The following NAALADL2 variants were observed in gnomAD, a reference collection of about 807,000 sequenced individuals.
The protein encoded by NAALADL2 is N-acetylated alpha-linked acidic dipeptidase like 2, also known as inactive N-acetylated-alpha-linked acidic dipeptidase-like protein 2.
NAALADL2 carries 76 observed loss-of-function variants against 87.2 expected under a neutral mutation model. That is an observed-to-expected ratio of 0.87 (90% confidence interval 0.72 to 1.05). The LOEUF (loss-of-function observed/expected upper bound fraction) is 1.05, where lower values mean the gene tolerates loss of function less well. Among genes scored for constraint, NAALADL2 ranks in the 50% least tolerant of loss-of-function variants. The probability of loss-of-function intolerance (pLI) is 0.00; values close to 1 mark genes in which losing one functional copy is unlikely to be tolerated. For missense variants in NAALADL2, 1,089 were observed against 945.8 expected (o/e 1.15, Z -1.99); for synonymous variants, 354 against 331.0 (o/e 1.07, Z -0.75).
At chr3:174,733,997 A>T (rs1732952525) in intron 2 of NAALADL2, among the ~76,000 whole-genome samples, 1 of 152,186 alleles carries the variant, frequency 6.6e-6, no homozygotes, top group South Asian at 2.1e-4. Context: ...TTCAAGCTTT[A>T]AGACCAGAAG....
intron 1 of NAALADL2, among the ~76,000 whole-genome samples, chr3:174,466,863 T>A (rs1225666930): frequency 1.3e-5 from 2 of 152,226 alleles, no homozygotes; most frequent in Non-Finnish European, 2.9e-5. Context: ...GTTCTTTATA[T>A]AAATGTTACT....
chr3:174,733,272 G>GA (rs141422617), intron 2 of NAALADL2, among the ~76,000 whole-genome samples: 5 of 152,150 alleles, frequency 3.3e-5, no homozygotes, highest in African/African-American at 9.6e-5. Flanking sequence ...GCAACCTGAG[G>GA]AAAAAAATCA....
intron 1 of NAALADL2, among the ~76,000 whole-genome samples, chr3:174,874,505 G>C (rs1728230712): frequency 6.6e-6 from 1 of 152,100 alleles, no homozygotes; most frequent in Non-Finnish European, 1.5e-5. Context: ...TGTGTGATGT[G>C]ACTGCAGGCA....
At chr3:174,894,185 A>G (rs1731214055) in intron 1 of NAALADL2, among the ~76,000 whole-genome samples, 1 of 152,140 alleles carries the variant, frequency 6.6e-6, no homozygotes, top group South Asian at 2.1e-4. Context: ...CCAATATGGG[A>G]GCACCCAGAT....
At position 174,850,766 on chromosome 3, in the gene NAALADL2, A is replaced by G. The variant is rs1231409279; in HGVS notation, c.-9+113020A>G. Among the ~76,000 whole-genome samples, 4 of 152,150 alleles carry G rather than the reference A, an allele frequency of 2.6e-5. No homozygotes were observed. The East Asian group carries it at 7.7e-4, about 29-fold the overall frequency. On this transcript the variant is annotated intron_variant, in intron 3 of 3. Transcript: ENST00000434257. ...CTAATTTATAGATCAAGTGAATCTAATAGACATTTACAGAATATTTTATCC... is the reference window on the plus strand; with the variant it reads ...CTAATTTATAGATCAAGTGAATCTAGTAGACATTTACAGAATATTTTATCC...
intron 1 of NAALADL2, among the ~76,000 whole-genome samples, chr3:175,035,806 C>A (rs979995927): frequency 6.6e-6 from 1 of 152,092 alleles, no homozygotes; most frequent in Admixed American, 6.6e-5. Context: ...ATATCAGACT[C>A]ATTTGGGAAG....
chr3:175,579,754 G>C (rs1719476206), intron 10 of NAALADL2, among the ~76,000 whole-genome samples: 1 of 152,180 alleles, frequency 6.6e-6, no homozygotes, highest in Non-Finnish European at 1.5e-5. Flanking sequence ...CTGATTAAGA[G>C]TGCAATATTT....
At chr3:174,695,609 G>C (rs1728949826) in intron 2 of NAALADL2, among the ~76,000 whole-genome samples, 1 of 151,986 alleles carries the variant, frequency 6.6e-6, no homozygotes, top group Admixed American at 6.6e-5. Context: ...TTATATTAAA[G>C]AGTATATTAT....
intron 1 of NAALADL2, among the ~76,000 whole-genome samples, chr3:175,084,479 G>T (rs1718476188): frequency 6.6e-6 from 1 of 152,068 alleles, no homozygotes; most frequent in Non-Finnish European, 1.5e-5. Context: ...TAATTTCTTG[G>T]TACTCAGGGC....
intron 1 of NAALADL2, among the ~76,000 whole-genome samples, chr3:174,468,019 A>G (rs1238484042): frequency 1.3e-5 from 2 of 152,210 alleles, no homozygotes; most frequent in East Asian, 3.9e-4. Context: ...AAAATACATT[A>G]TTGCTTAGTC....
chr3:174,818,046 G>A (rs1720992310), intron 3 of NAALADL2, among the ~76,000 whole-genome samples: 1 of 152,012 alleles, frequency 6.6e-6, no homozygotes, highest in Admixed American at 6.6e-5. Context: ...AACCCATTTT[G>A]GATTAGTCAT....
chr3:174,911,756 A>G (rs1358994283), intron 1 of NAALADL2, among the ~76,000 whole-genome samples: 1 of 152,060 alleles, frequency 6.6e-6, no homozygotes, highest in Non-Finnish European at 1.5e-5. Flanking sequence ...CCTTTTTTAA[A>G]CTGGTAATAT....
At chr3:175,747,409 A>T (rs1224091672) in intron 12 of NAALADL2, among the ~76,000 whole-genome samples, 1 of 152,148 alleles carries the variant, frequency 6.6e-6, no homozygotes, top group Non-Finnish European at 1.5e-5. Context: ...CTCTTCCATC[A>T]TAGTAATGGC....
chr3:174,873,938 G>A (rs549883138), intron 1 of NAALADL2, among the ~76,000 whole-genome samples: 4 of 152,080 alleles, frequency 2.6e-5, no homozygotes, highest in East Asian at 3.9e-4. Context: ...TCAAGAATAA[G>A]AAACCAGTTG....
intron 2 of NAALADL2, among the ~76,000 whole-genome samples, chr3:175,159,777 T>TTCCC (rs1339448938): frequency 6.6e-6 from 1 of 151,922 alleles, no homozygotes; most frequent in Non-Finnish European, 1.5e-5. Context: ...ATTTCCTTCC[T>TTCCC]TCCCTCCCTC....
chr3:175,761,721 T>A (rs1380714219), intron 13 of NAALADL2, among the ~76,000 whole-genome samples: 1 of 152,204 alleles, frequency 6.6e-6, no homozygotes, highest in Non-Finnish European at 1.5e-5. Flanking sequence ...ATTTCATTGT[T>A]GTTTGAATCC....
chr3:175,489,168 A>C (rs572885721), intron 9 of NAALADL2, among the ~76,000 whole-genome samples: 3 of 152,248 alleles, frequency 2.0e-5, no homozygotes, highest in Non-Finnish European at 2.9e-5. Context: ...ACAAATATTT[A>C]GAAAAATATA....
intron 2 of NAALADL2, among the ~76,000 whole-genome samples, chr3:174,729,715 T>C (rs980410344): frequency 6.6e-6 from 1 of 152,036 alleles, no homozygotes; most frequent in African/African-American, 2.4e-5. Context: ...GAGTAGGACT[T>C]ACCTCTTAAT....
At chr3:175,745,714 G>T (rs900721652) in intron 12 of NAALADL2, among the ~76,000 whole-genome samples, 2 of 152,124 alleles carry the variant, frequency 1.3e-5, no homozygotes, top group Non-Finnish European at 2.9e-5. Flanking sequence ...GTACTAGTTT[G>T]CAGGGGCAGA....
Sources: allele counts gnomAD v4.1 joint callset (sites outside exome capture counted in the v4.1 genomes callset), GRCh38; gene constraint gnomAD v4.1.1; transcripts MANE v1.5; gene names NCBI Gene and HGNC (gene_info 2026-07-23, HGNC 2026-07-21).